The following EPHA6 variants were observed in gnomAD, a reference collection of about 807,000 sequenced individuals.
EPHA6 encodes the protein EPH receptor A6, also known as ephrin type-A receptor 6.
In EPHA6, 50 loss-of-function variants were observed where a neutral mutation model predicts 112.0. The observed-to-expected ratio is 0.45, with a 90% CI of 0.36 to 0.56. The LOEUF is 0.56. Among genes scored for constraint, EPHA6 ranks in the 20% least tolerant of loss-of-function variants. The pLI, the probability that EPHA6 is intolerant of heterozygous loss-of-function variation, is 0.00. For synonymous variants in EPHA6, 529 were observed against 490.7 expected (o/e 1.08, Z -1.03); for missense variants, 1,280 against 1,417.4 (o/e 0.90, Z 1.56).
At chr3:97,153,507 A>G (rs546529146) in intron 3 of EPHA6, among the ~76,000 whole-genome samples, 4 of 152,262 alleles carry the variant, frequency 2.6e-5, no homozygotes, top group East Asian at 3.9e-4. Context: ...TACAATATGC[A>G]TATTTTAAAT....
intron 2 of EPHA6, among the ~76,000 whole-genome samples, chr3:96,932,554 T>G (rs2040378904): frequency 6.6e-6 from 1 of 152,234 alleles, no homozygotes; most frequent in Non-Finnish European, 1.5e-5. Context: ...CAGTAGAATT[T>G]ATCTGCAGGA....
chr3:97,698,432 T>C (rs1169614045), intron 14 of EPHA6, among the ~76,000 whole-genome samples: 1 of 151,990 alleles, frequency 6.6e-6, no homozygotes, highest in Non-Finnish European at 1.5e-5. Flanking sequence ...TGTAAAACCG[T>C]ATTTTGCCAA....
intron 2 of EPHA6, among the ~76,000 whole-genome samples, chr3:96,977,884 C>A (rs1423677077): frequency 1.3e-5 from 2 of 152,090 alleles, no homozygotes; most frequent in African/African-American, 2.4e-5. Flanking sequence ...CATAGCTGGG[C>A]ATGCTGCCTC....
intron 2 of EPHA6, among the ~76,000 whole-genome samples, chr3:96,952,431 G>C (rs1364835857): frequency 6.6e-6 from 1 of 152,088 alleles, no homozygotes; most frequent in Non-Finnish European, 1.5e-5. Context: ...TAGTTCTTGT[G>C]GTGCTGAGTT....
Position 97,749,804 on chromosome 3 carries a change from G to A in EPHA6, c.*1103G>A, listed in dbSNP as rs191204527. On this transcript the variant is annotated 3_prime_UTR_variant, in exon 18 of 18. Coordinates refer to ENST00000389672, the MANE Select transcript of EPHA6 (RefSeq NM_001080448.3). ...ATTGGCACATTTTGCAAGTTGAAGC[G>A]TTCTTATGTTTTCTTTGCAAAAATA... Among the ~76,000 whole-genome samples, 198 of 152,256 alleles carry A rather than the reference G, an allele frequency of 1.3e-3. No individual in the cohort carries two copies. Among genetic ancestry groups the A allele is most frequent in the African/African-American group, 4.1e-3 (171 of 41,572 alleles).
intron 15 of EPHA6, among the ~76,000 whole-genome samples, chr3:97,733,251 A>C (rs890346649): frequency 1.3e-5 from 2 of 152,056 alleles, no homozygotes; most frequent in Non-Finnish European, 2.9e-5. Flanking sequence ...AGAAGCCACA[A>C]GTCTTACAAG....
At chr3:96,864,892 A>G (rs1327889566) in intron 1 of EPHA6, among the ~76,000 whole-genome samples, 1 of 152,116 alleles carries the variant, frequency 6.6e-6, no homozygotes, top group Admixed American at 6.6e-5. Flanking sequence ...GAATTAAGAT[A>G]TTGTAAGTAT....
At chr3:97,034,051 T>G (rs1576361698) in intron 3 of EPHA6, among the ~76,000 whole-genome samples, 1 of 152,088 alleles carries the variant, frequency 6.6e-6, no homozygotes, top group South Asian at 2.1e-4. Flanking sequence ...AATCTGCCCA[T>G]CTGTGTCACA....
intron 2 of EPHA6, among the ~76,000 whole-genome samples, chr3:96,931,784 A>G (rs2040338996): frequency 1.3e-5 from 2 of 152,114 alleles, no homozygotes; most frequent in South Asian, 4.1e-4. Flanking sequence ...GGTATCATGG[A>G]AGTGGGGCCC....
intron 1 of EPHA6, among the ~76,000 whole-genome samples, chr3:96,826,220 T>C (rs2033649307): frequency 6.6e-6 from 1 of 152,080 alleles, no homozygotes; most frequent in Non-Finnish European, 1.5e-5. Context: ...GATTATTTAC[T>C]TAGGCTGTCA....
intron 5 of EPHA6, among the ~76,000 whole-genome samples, chr3:97,328,461 A>C (rs1171477078): frequency 6.6e-6 from 1 of 151,952 alleles, no homozygotes; most frequent in Non-Finnish European, 1.5e-5. Context: ...TATTGGACAT[A>C]ATTTCATGTA....
intron 10 of EPHA6, among the ~76,000 whole-genome samples, chr3:97,493,171 TACATACGTACATGTAA>T (rs1206450215): frequency 9.2e-5 from 14 of 152,104 alleles, no homozygotes; most frequent in African/African-American, 2.4e-4. Context: ...TGTGTATGTA[TACATACGTACATGTAA>T]ATGTGTTTGT....
chr3:96,970,731 C>T (rs112960684), intron 2 of EPHA6, among the ~76,000 whole-genome samples: 6 of 152,054 alleles, frequency 3.9e-5, no homozygotes, highest in Admixed American at 2.6e-4. Context: ...TTACGGTCTA[C>T]GTAAATTTAT....
intron 15 of EPHA6, among the ~76,000 whole-genome samples, chr3:97,725,228 C>T (rs1172175699): frequency 6.6e-6 from 1 of 152,048 alleles, no homozygotes; most frequent in East Asian, 1.9e-4. Context: ...GCTTTGCAAC[C>T]CCAGCAAAAC....
intron 3 of EPHA6, among the ~76,000 whole-genome samples, chr3:97,176,969 C>A (rs933015217): frequency 6.6e-6 from 1 of 151,380 alleles, no homozygotes; most frequent in Non-Finnish European, 1.5e-5. Context: ...CAAGATGCAT[C>A]ATCAGATTGT....
At chr3:97,053,512 C>T (rs1257625745) in intron 3 of EPHA6, among the ~76,000 whole-genome samples, 1 of 151,948 alleles carries the variant, frequency 6.6e-6, no homozygotes, top group African/African-American at 2.4e-5. Flanking sequence ...AAGAATCAAG[C>T]GATCTTTAAA....
At chr3:97,746,867 T>G (rs2035736488) in intron 16 of EPHA6, among the ~76,000 whole-genome samples, 1 of 151,932 alleles carries the variant, frequency 6.6e-6, no homozygotes, top group African/African-American at 2.4e-5. Flanking sequence ...AAATTACATT[T>G]TAAGAAATGA....
chr3:96,982,002 C>A (rs550835973), intron 2 of EPHA6, among the ~76,000 whole-genome samples: 3 of 152,218 alleles, frequency 2.0e-5, no homozygotes, highest in African/African-American at 7.2e-5. Context: ...TTTCAAAAAA[C>A]CATCCACTGG....
At chr3:97,296,691 G>T (rs2080886356) in intron 5 of EPHA6, among the ~76,000 whole-genome samples, 1 of 152,166 alleles carries the variant, frequency 6.6e-6, no homozygotes. Flanking sequence ...CCATGGCCCT[G>T]TTGTGAGGGG....
Sources: gnomAD v4.1 joint callset for allele counts (sites outside exome capture counted in the v4.1 genomes callset) on GRCh38, gnomAD v4.1.1 for gene constraint, MANE v1.5 for transcripts, NCBI Gene and HGNC (gene_info 2026-07-23, HGNC 2026-07-21) for gene names.